Variants in LRRTM4 observed in about 807,000 individuals in gnomAD.
LRRTM4 encodes leucine-rich repeat transmembrane neuronal protein 4.
LRRTM4 carries 25 observed loss-of-function variants against 47.6 expected under a neutral mutation model. That is an observed-to-expected ratio of 0.53 (90% confidence interval 0.38 to 0.73). The LOEUF (loss-of-function observed/expected upper bound fraction) is 0.73. Ranked by LOEUF, LRRTM4 falls within the 30% of genes least tolerant of loss-of-function variation. LRRTM4 has a pLI of 0.00. For missense variants in LRRTM4, 638 were observed against 713.4 expected, an observed-to-expected ratio of 0.89 and a Z score of 1.20; for synonymous variants, 311 against 269.5, an observed-to-expected ratio of 1.15 and a Z score of -1.51.
chr2:76,830,322 C>T (rs1294274913), intron 3 of LRRTM4, among the ~76,000 whole-genome samples: 1 of 151,872 alleles, frequency 6.6e-6, no homozygotes, highest in Non-Finnish European at 1.5e-5. Context: ...AACTATATGC[C>T]TTTTCTTTAA....
At chr2:77,140,198 G>C (rs1672080270) in intron 3 of LRRTM4, among the ~76,000 whole-genome samples, 1 of 152,100 alleles carries the variant, frequency 6.6e-6, no homozygotes. Flanking sequence ...CAAAGCTGGA[G>C]GCATCATGCT....
intron 3 of LRRTM4, among the ~76,000 whole-genome samples, chr2:77,244,465 C>G (rs892094803): frequency 1.3e-5 from 2 of 151,862 alleles, no homozygotes; most frequent in Non-Finnish European, 2.9e-5. Context: ...GGCATTTATA[C>G]CTAGATTAAA....
chr2:76,944,890 A>T (rs1675272444), intron 3 of LRRTM4, among the ~76,000 whole-genome samples: 1 of 152,090 alleles, frequency 6.6e-6, no homozygotes, highest in Admixed American at 6.5e-5. Flanking sequence ...ATTACTCAGG[A>T]ATATTTACCA....
chr2:77,121,531 T>C (rs987537212), intron 3 of LRRTM4, among the ~76,000 whole-genome samples: 1 of 151,836 alleles, frequency 6.6e-6, no homozygotes, highest in Non-Finnish European at 1.5e-5. Context: ...ACAATGTAGA[T>C]AGGTATTATT....
chr2:76,765,519 A>G (rs1673422469), intron 3 of LRRTM4, among the ~76,000 whole-genome samples: 1 of 152,312 alleles, frequency 6.6e-6, no homozygotes, highest in Non-Finnish European at 1.5e-5. Context: ...GAGGTCATAA[A>G]GTTGGAAAAC....
At chr2:76,946,525 G>A (rs1468728649) in intron 3 of LRRTM4, among the ~76,000 whole-genome samples, 2 of 151,726 alleles carry the variant, frequency 1.3e-5, no homozygotes, top group East Asian at 3.9e-4. Flanking sequence ...TCAGGCTTTT[G>A]GTGTTTAAAG....
chr2:77,518,135 A>G (rs1483604440), intron 3 of LRRTM4, 183 bp downstream of exon 3: 1 of 1,287,238 alleles, frequency 7.8e-7, no homozygotes, highest in African/African-American at 1.5e-5. Flanking sequence ...CATTTAAAAA[A>G]AAAAAAAAAG....
At chr2:76,775,446 G>C (rs915590564) in intron 3 of LRRTM4, among the ~76,000 whole-genome samples, 1 of 152,044 alleles carries the variant, frequency 6.6e-6, no homozygotes, top group Non-Finnish European at 1.5e-5. Context: ...GGGCAGCCAG[G>C]GGCATTGTTC....
intron 3 of LRRTM4, among the ~76,000 whole-genome samples, chr2:77,050,800 TTGAG>T (rs1679405788): frequency 6.6e-6 from 1 of 152,184 alleles, no homozygotes; most frequent in African/African-American, 2.4e-5. Flanking sequence ...TTTCATAGGA[TTGAG>T]TATTAGATAA....
At chr2:77,292,310 C>T (rs1195958703) in intron 3 of LRRTM4, among the ~76,000 whole-genome samples, 2 of 150,874 alleles carry the variant, frequency 1.3e-5, no homozygotes, top group African/African-American at 4.9e-5. Context: ...GGATCTAGAA[C>T]TAGAAATACC....
intron 3 of LRRTM4, among the ~76,000 whole-genome samples, chr2:76,960,000 CA>C (rs538857675): frequency 3.0e-4 from 43 of 144,688 alleles, no homozygotes; most frequent in Admixed American, 3.5e-4. Context: ...CTTGGCCAAA[CA>C]AAAAAAAAAG....
chr2:77,023,328 T>G (rs1573464385), intron 3 of LRRTM4, among the ~76,000 whole-genome samples: 1 of 152,274 alleles, frequency 6.6e-6, no homozygotes, highest in Admixed American at 6.5e-5. Flanking sequence ...GCCGCAAAGG[T>G]CTCTTGATAC....
chr2:76,803,969 A>C (rs1675835138), intron 3 of LRRTM4, among the ~76,000 whole-genome samples: 1 of 152,198 alleles, frequency 6.6e-6, no homozygotes, highest in South Asian at 2.1e-4. Flanking sequence ...TTTCTTGTAG[A>C]CATTTCCCAT....
chr2:76,903,476 T>C (rs753311073), intron 3 of LRRTM4, among the ~76,000 whole-genome samples: 7 of 152,078 alleles, frequency 4.6e-5, no homozygotes, highest in Middle Eastern at 3.4e-3. Flanking sequence ...GCTGAGTGTG[T>C]AGTGAGCCGA....
intron 3 of LRRTM4, among the ~76,000 whole-genome samples, chr2:76,946,587 C>A (rs939358439): frequency 2.0e-5 from 3 of 151,688 alleles, no homozygotes; most frequent in Non-Finnish European, 4.4e-5. Flanking sequence ...GCACAATGGG[C>A]AACTCAATTT....
At chr2:77,279,605 C>G (rs1676454906) in intron 3 of LRRTM4, among the ~76,000 whole-genome samples, 1 of 151,730 alleles carries the variant, frequency 6.6e-6, no homozygotes, top group Non-Finnish European at 1.5e-5. Flanking sequence ...TTTTATTATT[C>G]TAATAATATA....
intron 3 of LRRTM4, among the ~76,000 whole-genome samples, chr2:77,113,976 G>T (rs1671321775): frequency 6.6e-6 from 1 of 152,056 alleles, no homozygotes; most frequent in Non-Finnish European, 1.5e-5. Context: ...ATCACCAGGG[G>T]GTAATGTTAA....
At chr2:76,969,988 CAG>C (rs1239889296) in intron 3 of LRRTM4, among the ~76,000 whole-genome samples, 1 of 151,898 alleles carries the variant, frequency 6.6e-6, no homozygotes, top group African/African-American at 2.4e-5. Flanking sequence ...AACTTCAAAT[CAG>C]AAACAATTTT....
intron 3 of LRRTM4, among the ~76,000 whole-genome samples, chr2:76,817,851 A>G (rs938880906): frequency 2.0e-5 from 3 of 151,988 alleles, no homozygotes; most frequent in African/African-American, 7.2e-5. Context: ...AAGATATGCC[A>G]TGTTAGTACC....
Sources: allele counts gnomAD v4.1 joint callset (sites outside exome capture counted in the v4.1 genomes callset), GRCh38; gene constraint gnomAD v4.1.1; transcripts MANE v1.5; gene names NCBI Gene and HGNC (gene_info 2026-07-23, HGNC 2026-07-21).